CMSS1: variants seen among roughly 807,000 people sequenced by gnomAD.
CMSS1 encodes cms1 ribosomal small subunit homolog.
A neutral mutation model predicts 43.5 loss-of-function variants in CMSS1; 33 were observed. The ratio of observed to expected loss-of-function variants is 0.76; its 90% CI spans 0.57 to 1.01. The LOEUF is 1.01. Among genes scored for constraint, CMSS1 ranks in the 50% least tolerant of loss-of-function variants. CMSS1 has a pLI of 0.00. For missense variants in CMSS1, 313 were observed against 326.4 expected (o/e 0.96, Z 0.32); for synonymous variants, 115 against 117.2 (o/e 0.98, Z 0.12).
At chr3:100,103,788 C>A (rs1346756872) in intron 1 of CMSS1, among the ~76,000 whole-genome samples, 1 of 152,110 alleles carries the variant, frequency 6.6e-6, no homozygotes, top group African/African-American at 2.4e-5. Context: ...GTTCAAATAA[C>A]AAATTGTTGC....
intron 1 of CMSS1, among the ~76,000 whole-genome samples, chr3:99,829,788 GGTCAGGTATGCTTACTACACCAGTGATT>G (rs1429327907): frequency 6.6e-6 from 1 of 152,128 alleles, no homozygotes; most frequent in African/African-American, 2.4e-5. Context: ...AAGTGCCAGT[GGTCAGGTATGCTTACTACACCAGTGATT>G]GTCAGGTATT....
At chr3:99,912,361 C>T (rs1706818003) in intron 1 of CMSS1, among the ~76,000 whole-genome samples, 1 of 152,050 alleles carries the variant, frequency 6.6e-6, no homozygotes, top group Admixed American at 6.5e-5. Flanking sequence ...TTAATGGGCA[C>T]AGGGCTGCTG....
chr3:99,979,916 G>C (rs1303705860), intron 1 of CMSS1, among the ~76,000 whole-genome samples: 1 of 152,168 alleles, frequency 6.6e-6, no homozygotes, highest in Non-Finnish European at 1.5e-5. Context: ...GCTGTGAAGG[G>C]TGAGGTAGGA....
chr3:100,153,911 C>T (rs563159374), intron 2 of CMSS1, among the ~76,000 whole-genome samples: 28 of 150,988 alleles, frequency 1.9e-4, no homozygotes, highest in East Asian at 7.8e-4. Context: ...AGTGCAATGA[C>T]GCGATCTCAG....
At chr3:100,172,465 A>C (rs189767350) in intron 8 of CMSS1, 62 bp downstream of exon 8, 14 of 1,240,440 alleles carry the variant, frequency 1.1e-5, no homozygotes, top group Middle Eastern at 3.8e-4. Context: ...CCTACATGTG[A>C]GTCTCAGAAA....
intron 1 of CMSS1, among the ~76,000 whole-genome samples, chr3:99,978,985 T>G (rs979191553): frequency 1.8e-4 from 27 of 152,066 alleles, no homozygotes; most frequent in African/African-American, 6.5e-4. Context: ...AGATACAAAA[T>G]TACGGCTAGA....
intron 1 of CMSS1, among the ~76,000 whole-genome samples, chr3:99,890,886 C>T (rs1302339726): frequency 6.6e-6 from 1 of 151,972 alleles, no homozygotes; most frequent in Admixed American, 6.6e-5. Flanking sequence ...TATGAAGTCA[C>T]GTATCTCAGA....
chr3:100,014,895 C>CTTTTTTTTTTTTTTTTTTTTTTT (rs1233573719), intron 1 of CMSS1, among the ~76,000 whole-genome samples: 13 of 25,006 alleles, frequency 5.2e-4, no homozygotes, highest in African/African-American at 8.8e-4. Flanking sequence ...TTCTTTCTTT[C>CTTTTTTTTTTTTTTTTTTTTTTT]TTTTTTTTTT....
chr3:100,010,365 A>G (rs1451317849), intron 1 of CMSS1, among the ~76,000 whole-genome samples: 1 of 152,108 alleles, frequency 6.6e-6, no homozygotes, highest in Non-Finnish European at 1.5e-5. Context: ...GTATATTTAC[A>G]TGTCAAAAAA....
Position 100,032,535 on chromosome 3 carries a change from C to T in CMSS1, c.65-114438C>T, listed in dbSNP as rs115578410. Among the ~76,000 whole-genome samples the T allele has an allele frequency of 6.2e-3, 937 of 152,210 alleles. 6 individuals carry two copies. Among genetic ancestry groups the T allele is most frequent in the African/African-American group, 0.018 (739 of 41,532 alleles). The stretch of plus-strand genomic sequence containing the variant: ...GAGACAGCTAGCCGAATTCCCCTTT[C>T]GCAAAAACTGATTCATAACATTGTA... On this transcript the variant is annotated intron_variant, in intron 1 of 9. Coordinates refer to ENST00000421999, the MANE Select transcript of CMSS1 (RefSeq NM_032359.4).
intron 1 of CMSS1, among the ~76,000 whole-genome samples, chr3:99,981,449 C>G (rs1279492394): frequency 1.3e-5 from 2 of 152,122 alleles, no homozygotes; most frequent in African/African-American, 2.4e-5. Context: ...GTTTCTCTGG[C>G]CACTCTTATT....
chr3:99,915,718 A>G (rs1181868808), intron 1 of CMSS1, among the ~76,000 whole-genome samples: 1 of 152,086 alleles, frequency 6.6e-6, no homozygotes, highest in Non-Finnish European at 1.5e-5. Context: ...ATTCTCCTAC[A>G]CTAAAGGAAA....
chr3:99,966,726 G>A lies in CMSS1; in HGVS notation c.64+148683G>A, dbSNP rs1231904200. 2.0e-5 allele frequency among the ~76,000 whole-genome samples: 3 copies of A among 152,220 alleles called. No homozygotes were observed. The East Asian group carries it at 5.8e-4, about 29-fold the overall frequency. ...ATAGAATCATTCTAATAAATGTAGT[G>A]TGTCAGATTTGAAAAATCATTTGGT... On this transcript the variant is annotated intron_variant, in intron 1 of 9. Transcript: ENST00000421999.
At chr3:100,163,023 T>C (rs1030681131) in intron 4 of CMSS1, among the ~76,000 whole-genome samples, 7 of 152,248 alleles carry the variant, frequency 4.6e-5, no homozygotes, top group African/African-American at 1.7e-4. Context: ...CTAATAGTTT[T>C]AACTGATAGA....
At chr3:99,995,188 G>A (rs1038725967) in intron 1 of CMSS1, among the ~76,000 whole-genome samples, 1 of 152,158 alleles carries the variant, frequency 6.6e-6, no homozygotes, top group Non-Finnish European at 1.5e-5. Context: ...GTGGGTACAG[G>A]TATTGGGTAA....
intron 1 of CMSS1, among the ~76,000 whole-genome samples, chr3:100,054,578 A>G (rs1002969542): frequency 1.2e-4 from 18 of 152,054 alleles, no homozygotes; most frequent in African/African-American, 4.4e-4. Flanking sequence ...CCCTGTTGGC[A>G]TTTGAACTAT....
chr3:100,043,700 G>A (rs1254526097), intron 1 of CMSS1, among the ~76,000 whole-genome samples: 3 of 152,172 alleles, frequency 2.0e-5, no homozygotes, highest in Non-Finnish European at 4.4e-5. Context: ...AAAAAATTGT[G>A]TATATTTAGG....
chr3:100,121,275 T>C (rs2066617274), intron 1 of CMSS1, among the ~76,000 whole-genome samples: 1 of 143,570 alleles, frequency 7.0e-6, no homozygotes, highest in South Asian at 2.3e-4. Flanking sequence ...CGATGTGTGA[T>C]GTTCCCCTCC....
At chr3:100,094,861 T>A (rs1210513486) in intron 1 of CMSS1, among the ~76,000 whole-genome samples, 1 of 151,966 alleles carries the variant, frequency 6.6e-6, no homozygotes, top group African/African-American at 2.4e-5. Context: ...TTTGTGTGTG[T>A]GTTTTTTTAG....
Sources: gnomAD v4.1 joint callset for allele counts (sites outside exome capture counted in the v4.1 genomes callset) on GRCh38, gnomAD v4.1.1 for gene constraint, MANE v1.5 for transcripts, NCBI Gene and HGNC (gene_info 2026-07-23, HGNC 2026-07-21) for gene names.